The following APBB2 variants were observed in gnomAD, a reference collection of about 807,000 sequenced individuals.
APBB2 encodes the protein amyloid beta precursor protein binding family B member 2.
APBB2 carries 38 observed loss-of-function variants against 82.5 expected under a neutral mutation model. That is an observed-to-expected ratio of 0.46 (90% CI 0.36 to 0.60). APBB2 has a LOEUF of 0.60. APBB2 is among the 20% of genes least tolerant of loss of function. The pLI is 0.00. For synonymous variants in APBB2, 341 were observed against 368.2 expected (o/e 0.93, Z 0.85); for missense variants, 772 against 972.3 (o/e 0.79, Z 2.74).
At chr4:41,159,879 C>CAA (rs796692414) in intron 1 of APBB2, among the ~76,000 whole-genome samples, 7 of 65,534 alleles carry the variant, frequency 1.1e-4, no homozygotes, top group Admixed American at 1.7e-4. Context: ...GGCTTAAGGG[C>CAA]AAAAAAAAAA....
intron 12 of APBB2, chr4:40,857,032 C>G: frequency 6.1e-6 from 6 of 985,592 alleles, no homozygotes; most frequent in Non-Finnish European, 7.2e-6. Context: ...TCACCTTTGC[C>G]TCCCGGTCCT....
At chr4:41,054,275 A>G (rs1374010107) in intron 4 of APBB2, among the ~76,000 whole-genome samples, 1 of 152,220 alleles carries the variant, frequency 6.6e-6, no homozygotes, top group East Asian at 1.9e-4. Context: ...ATGCTTTCCC[A>G]GCAACCTCAC....
chr4:40,896,558 T>G (rs56378731), intron 10 of APBB2, among the ~76,000 whole-genome samples: 43,802 of 152,114 alleles, frequency 0.29, 6,494 homozygotes, highest in Admixed American at 0.35. Context: ...GTAGTGAACT[T>G]AGAAAATAAA....
chr4:41,047,709 A>T (rs1269984265), intron 4 of APBB2, among the ~76,000 whole-genome samples: 1 of 152,210 alleles, frequency 6.6e-6, no homozygotes, highest in Non-Finnish European at 1.5e-5. Flanking sequence ...TTAGTTTAAC[A>T]TTCTACTCCA....
chr4:40,893,503 T>A, intron 10 of APBB2, 92 bp from the exon 11 acceptor site: 4 of 1,213,284 alleles, frequency 3.3e-6, no homozygotes. Context: ...TAAAAGGTAC[T>A]ACACTTAATG....
At position 40,814,913 on chromosome 4, in the gene APBB2, T is replaced by C. The variant is rs978207563; in HGVS notation, c.*1179A>G. On this transcript the variant is annotated 3_prime_UTR_variant, in exon 18 of 18. Coordinates refer to ENST00000508593, the MANE Select transcript of APBB2 (RefSeq NM_004307.2). ...GAAAAAATATAAATTAAAAAATATA[T>C]CTAGTTGAGTCCAACAAATTCTAAT... is the stretch of plus-strand genomic sequence containing the variant. 4 of 146,460 alleles carry C rather than the reference T, an allele frequency of 2.7e-5. No homozygotes were observed. In the South Asian group the frequency reaches 6.7e-4, roughly 24 times the overall value. The allele number at this position is 146,460 out of a possible 1,614,324, so 9.1% of individuals were successfully genotyped here.
chr4:40,848,258 C>A (rs758025848), intron 12 of APBB2, among the ~76,000 whole-genome samples: 30 of 152,246 alleles, frequency 2.0e-4, no homozygotes, highest in Non-Finnish European at 3.8e-4. Context: ...TTGCTTCTGT[C>A]TAGCCAGGCT....
chr4:40,893,783 G>A (rs1197269250), intron 10 of APBB2, among the ~76,000 whole-genome samples: 1 of 151,770 alleles, frequency 6.6e-6, no homozygotes, highest in African/African-American at 2.4e-5. Flanking sequence ...AGACCAGCCT[G>A]GCCAACATGG....
intron 10 of APBB2, among the ~76,000 whole-genome samples, chr4:40,925,234 A>G (rs1354818727): frequency 6.6e-6 from 1 of 152,244 alleles, no homozygotes; most frequent in Admixed American, 6.5e-5. Flanking sequence ...TAGTAGGAAC[A>G]GTATAATGGC....
At chr4:41,023,305 A>G (rs2154434459) in intron 5 of APBB2, among the ~76,000 whole-genome samples, 1 of 152,346 alleles carries the variant, frequency 6.6e-6, no homozygotes, top group South Asian at 2.1e-4. Context: ...GCAGACTTCT[A>G]TGATTAGATC....
At position 40,815,904 on chromosome 4, in the gene APBB2, G is replaced by A; in HGVS notation, c.*188C>T. Reference sequence around the variant, plus strand: ...ACTTACAGCAAAAAAAATTATTCATGCTTCTTTTCATATCACATGATGGTG... The same window carrying A: ...ACTTACAGCAAAAAAAATTATTCATACTTCTTTTCATATCACATGATGGTG... On this transcript the variant is annotated 3_prime_UTR_variant, in exon 18 of 18. Coordinates refer to ENST00000508593, the MANE Select transcript of APBB2 (RefSeq NM_004307.2). 4.7e-6 allele frequency: 3 copies of A among 642,198 alleles called. No individual in the cohort carries two copies. The South Asian group carries it at 7.3e-5, about 16-fold the overall frequency. The allele number at this position is 642,198 out of a possible 1,614,324, so 39.8% of individuals were successfully genotyped here. A position where few individuals can be genotyped will look rare whatever the true frequency, so the allele number is the denominator to read the frequency against.
chr4:41,163,601 G>A (rs1765733970), intron 1 of APBB2, among the ~76,000 whole-genome samples: 1 of 152,130 alleles, frequency 6.6e-6, no homozygotes, highest in Non-Finnish European at 1.5e-5. Context: ...TCATAAACAA[G>A]CGTCAGTCAA....
At chr4:41,031,886 A>C (rs1716967289) in intron 5 of APBB2, among the ~76,000 whole-genome samples, 1 of 152,184 alleles carries the variant, frequency 6.6e-6, no homozygotes, top group South Asian at 2.1e-4. Flanking sequence ...TATCTATTCA[A>C]TACGTATTGA....
chr4:41,035,451 C>T lies in APBB2; in HGVS notation c.-50-2147G>A, dbSNP rs541506767. 3.3e-5 allele frequency among the ~76,000 whole-genome samples: 5 copies of T among 152,294 alleles called. No individual in the cohort carries two copies. In the South Asian group the frequency reaches 1.0e-3, roughly 32 times the overall value. On this transcript the variant is annotated intron_variant, in intron 4 of 17. Coordinates refer to ENST00000508593, the MANE Select transcript of APBB2 (RefSeq NM_004307.2). ...CTCCTCTGTGCTCCTCTGTCTTTGCCCTATAACTTTCTGCTCAGTTCCTTA... is the reference window on the plus strand; with the variant it reads ...CTCCTCTGTGCTCCTCTGTCTTTGCTCTATAACTTTCTGCTCAGTTCCTTA...
intron 2 of APBB2, among the ~76,000 whole-genome samples, chr4:41,138,547 G>T (rs1161250736): frequency 1.3e-5 from 2 of 152,166 alleles, no homozygotes; most frequent in Non-Finnish European, 2.9e-5. Flanking sequence ...CAAAGGATTT[G>T]AACAGGTATT....
chr4:40,982,311 AAAGAAAGAAAGAAAAG>A (rs1578961048), intron 6 of APBB2, among the ~76,000 whole-genome samples: 1 of 48,836 alleles, frequency 2.0e-5, no homozygotes, highest in Non-Finnish European at 4.4e-5. Flanking sequence ...GGAAGGAAAG[AAAGAAAGAAAGAAAAG>A]AAAGAAGGAA....
Position 40,823,728 on chromosome 4 carries a change from A to AT in APBB2, c.1847dup (p.Asn616LysfsTer20). The AT allele has an allele frequency of 6.2e-7, 1 of 1,613,706 alleles. No individual in the cohort carries two copies. The highest frequency in any genetic ancestry group is 8.5e-7 in the Non-Finnish European group (1 of 1,179,910). ...CCTCCTTGTTGGATGAGGTCATAAGATTTTCTATGGCACTGTTCAAAATAT... is the reference window on the plus strand; with the variant it reads ...CCTCCTTGTTGGATGAGGTCATAAGATTTTTCTATGGCACTGTTCAAAATAT... On this transcript the variant is annotated frameshift_variant, in exon 16 of 18. Transcript: ENST00000508593. LOFTEE classifies it high-confidence loss of function.
chr4:41,200,083 A>G (rs1040002826), intron 1 of APBB2, among the ~76,000 whole-genome samples: 1 of 152,334 alleles, frequency 6.6e-6, no homozygotes, highest in Non-Finnish European at 1.5e-5. Context: ...ATGACATCAG[A>G]CACAACTAAA....
intron 4 of APBB2, among the ~76,000 whole-genome samples, chr4:41,035,549 GAGA>G (rs1261462168): frequency 1.3e-5 from 2 of 152,140 alleles, no homozygotes; most frequent in African/African-American, 4.8e-5. Flanking sequence ...ATGCTATGCA[GAGA>G]AAGAGATGAA....
Sources: allele counts gnomAD v4.1 joint callset (sites outside exome capture counted in the v4.1 genomes callset), GRCh38; gene constraint gnomAD v4.1.1; transcripts MANE v1.5; gene names NCBI Gene and HGNC (gene_info 2026-07-23, HGNC 2026-07-21).